The following VPS33B variants were observed in gnomAD, a reference collection of about 807,000 sequenced individuals.
VPS33B encodes the protein vacuolar protein sorting-associated protein 33B.
A neutral mutation model predicts 95.3 loss-of-function variants in VPS33B; 80 were observed. That is an observed-to-expected ratio of 0.84 (90% CI 0.70 to 1.01). The LOEUF (loss-of-function observed/expected upper bound fraction) is 1.01, where lower values mean the gene tolerates loss of function less well. Ranked by LOEUF, VPS33B falls within the 50% of genes least tolerant of loss-of-function variation. The pLI is 0.00. For synonymous variants in VPS33B, 280 were observed against 280.4 expected, an observed-to-expected ratio of 1.00 and a Z score of 0.01; for missense variants, 715 against 773.4, an observed-to-expected ratio of 0.92 and a Z score of 0.90.
At chr15:91,022,096 T>C (rs2041120185) in intron 1 of VPS33B, 58 bp downstream of exon 1, 1 of 1,527,314 alleles carries the variant, frequency 6.5e-7, no homozygotes, top group Non-Finnish European at 8.9e-7. Flanking sequence ...AAGGAAGAAA[T>C]GTGCATCCAA....
intron 2 of VPS33B, among the ~76,000 whole-genome samples, chr15:91,017,522 C>G (rs1177460950): frequency 6.6e-6 from 1 of 150,856 alleles, no homozygotes; most frequent in Non-Finnish European, 1.5e-5. Context: ...ACTTGGGAAG[C>G]TGAGGCAGGA....
chr15:91,006,735 A>G lies in VPS33B; in HGVS notation c.701-6T>C. Reference sequence around the variant, plus strand: ...TGCTGTCACAAAGTCCACATCTGAAACAGAGATCCCTGACCATGAAGGTTC... The same window carrying G: ...TGCTGTCACAAAGTCCACATCTGAAGCAGAGATCCCTGACCATGAAGGTTC... On this transcript the variant is annotated splice_polypyrimidine_tract_variant and splice_region_variant and intron_variant, in intron 9 of 22. Coordinates refer to ENST00000333371, the MANE Select transcript of VPS33B (RefSeq NM_018668.5). This position sits in a 1 kb window ranked among gnomAD's most constrained non-coding sequence, Gnocchi z 5.4. The G allele has an allele frequency of 6.2e-7, 1 of 1,614,154 alleles. No individual in the cohort carries two copies. The highest frequency in any genetic ancestry group is 8.5e-7 in the Non-Finnish European group (1 of 1,180,008).
Position 90,998,871 on chromosome 15 carries a change from G to T in VPS33B, c.*104C>A. 8.2e-7 allele frequency: 1 copy of T among 1,213,600 alleles called. No homozygotes were observed. The highest frequency in any genetic ancestry group is 1.2e-6 in the Non-Finnish European group (1 of 831,392). The allele number at this position is 1,213,600 out of a possible 1,614,324, so 75.2% of individuals were successfully genotyped here. A position where few individuals can be genotyped will look rare whatever the true frequency, so the allele number is the denominator to read the frequency against. On this transcript the variant is annotated 3_prime_UTR_variant, in exon 23 of 23. Coordinates refer to ENST00000333371, the MANE Select transcript of VPS33B (RefSeq NM_018668.5). The surrounding 1 kb of genome is among the most constrained non-coding windows in gnomAD (Gnocchi z 4.8). ...ACACGTTCCATGCTCCCGGCTCTTA[G>T]CAGGTAGTTGGTGGACACTTGGTTA...
At chr15:91,016,174 G>A (rs2040917675) in intron 3 of VPS33B, among the ~76,000 whole-genome samples, 1 of 152,094 alleles carries the variant, frequency 6.6e-6, no homozygotes, top group Admixed American at 6.5e-5. Context: ...GAGAATTTCA[G>A]GCAGAGCGAA....
rs569733638 is a variant in VPS33B at position 91,002,617 on chromosome 15, G to T, written c.1273-435C>A. ...TGCACTCTAGCTTGGGCAACAGAGC[G>T]AGACATCGTCTCGAAATAAAAAAAA... On this transcript the variant is annotated intron_variant, in intron 17 of 22. Transcript: ENST00000333371. This position sits in a 1 kb window ranked among gnomAD's most constrained non-coding sequence, Gnocchi z 4.7. Among the ~76,000 whole-genome samples the T allele has an allele frequency of 1.4e-5, 2 of 143,890 alleles. No homozygotes were observed. Among genetic ancestry groups the T allele is most frequent in the African/African-American group, 5.2e-5 (2 of 38,100 alleles). The allele number at this position is 143,890 out of a possible 152,430, so 94.4% of individuals were successfully genotyped here.
chr15:91,017,525 A>G (rs1191437406), intron 2 of VPS33B, among the ~76,000 whole-genome samples: 2 of 151,236 alleles, frequency 1.3e-5, no homozygotes, highest in African/African-American at 4.9e-5. Flanking sequence ...TGGGAAGCTG[A>G]GGCAGGAGGA....
At position 91,007,590 on chromosome 15, in the gene VPS33B, A is replaced by G. The variant is rs1032953247; in HGVS notation, c.499-17T>C. ...ATCTCCTTCCTGCAGGGACCACACA[A>G]GCCACAAAGATATGAATCAACCCAG... On this transcript the variant is annotated splice_polypyrimidine_tract_variant and intron_variant, in intron 7 of 22. Coordinates refer to ENST00000333371, the MANE Select transcript of VPS33B (RefSeq NM_018668.5). This position sits in a 1 kb window ranked among gnomAD's most constrained non-coding sequence, Gnocchi z 5.3. The G allele has an allele frequency of 6.2e-7, 1 of 1,613,262 alleles. No individual in the cohort carries two copies. Among genetic ancestry groups the G allele is most frequent in the African/African-American group, 1.3e-5 (1 of 74,904 alleles).
In VPS33B at chr15:91,000,568, A is replaced by ATACTCGCCT. The variant is rs2040408671; in HGVS notation, c.1502_1503insAGGCGAGTA (p.Glu500_Tyr501insTer). On this transcript the variant is annotated stop_gained, in exon 20 of 23. Transcript: ENST00000333371. LOFTEE classifies it high-confidence loss of function. The surrounding 1 kb of genome is among the most constrained non-coding windows in gnomAD (Gnocchi z 4.9). ...CCATGTCTCGGGGCACTTTCAGATC[A>ATACTCGCCT]TACTCGCCGTCCACACGTGGGATCT... 1 of 1,613,098 alleles carries ATACTCGCCT rather than the reference A, an allele frequency of 6.2e-7. No homozygotes were observed. Among genetic ancestry groups the ATACTCGCCT allele is most frequent in the South Asian group, 1.1e-5 (1 of 91,074 alleles).
Position 91,019,125 on chromosome 15 carries a change from T to C in VPS33B, c.97-1240A>G, listed in dbSNP as rs1340059594. Among the ~76,000 whole-genome samples, 3 of 144,170 alleles carry C rather than the reference T, an allele frequency of 2.1e-5. No homozygotes were observed. The South Asian group carries it at 6.9e-4, about 33-fold the overall frequency. 94.6% of individuals were successfully genotyped at this position (144,170 alleles called of 152,430 possible). On this transcript the variant is annotated intron_variant, in intron 1 of 22. Coordinates refer to ENST00000333371, the MANE Select transcript of VPS33B (RefSeq NM_018668.5). The stretch of plus-strand genomic sequence containing the variant: ...ACTGCTCCTGGCCTGTTTTTTTTTT[T>C]TTTTTTTTTTTTTTAAAGATAGAGT...
rs750663315 is a variant in VPS33B at position 91,006,766 on chromosome 15, G to A, written c.701-37C>T. 1.2e-6 allele frequency: 2 copies of A among 1,612,690 alleles called. No individual in the cohort carries two copies. Among genetic ancestry groups the A allele is most frequent in the Non-Finnish European group, 1.7e-6 (2 of 1,178,850 alleles). ...ATCCCTGACCATGAAGGTTCTCCCT[G>A]ACCCAGCCTTCTACACAGCATGTCC... is the stretch of plus-strand genomic sequence containing the variant. On this transcript the variant is annotated intron_variant, in intron 9 of 22. Coordinates refer to ENST00000333371, the MANE Select transcript of VPS33B (RefSeq NM_018668.5). This position sits in a 1 kb window ranked among gnomAD's most constrained non-coding sequence, Gnocchi z 5.4.
rs2040908136 is a variant in VPS33B at position 91,015,803 on chromosome 15, C to T, written c.239+1160G>A. 6.6e-6 allele frequency among the ~76,000 whole-genome samples: 1 copy of T among 152,078 alleles called. No homozygotes were observed. The highest frequency in any genetic ancestry group is 1.5e-5 in the Non-Finnish European group (1 of 68,020). ...TATGATTGCACCACTGCACTCCAGC[C>T]TGTGCAACAGAGTGAGACCCTGTCT... On this transcript the variant is annotated intron_variant, in intron 3 of 22. Coordinates refer to ENST00000333371, the MANE Select transcript of VPS33B (RefSeq NM_018668.5). This position sits in a 1 kb window ranked among gnomAD's most constrained non-coding sequence, Gnocchi z 4.7.
chr15:91,000,637 C>T lies in VPS33B; in HGVS notation c.1480-46G>A. The T allele has an allele frequency of 9.6e-6, 15 of 1,565,258 alleles. No individual in the cohort carries two copies. The highest frequency in any genetic ancestry group is 1.2e-5 in the Non-Finnish European group (14 of 1,141,002). On this transcript the variant is annotated intron_variant, in intron 19 of 22. Transcript: ENST00000333371. The surrounding 1 kb of genome is among the most constrained non-coding windows in gnomAD (Gnocchi z 4.9). ...ATTAGGCAAGTGACAGCTCAGCTCC[C>T]TAACCCTTTAAAGGGTCAGATAAAG... is the stretch of plus-strand genomic sequence containing the variant.
intron 1 of VPS33B, 138 bp downstream of exon 1, chr15:91,022,016 C>T: frequency 1.0e-6 from 1 of 971,760 alleles, no homozygotes; most frequent in Non-Finnish European, 1.6e-6. Flanking sequence ...TCCCTGGATT[C>T]ATTCTGGACC....
At position 91,007,866 on chromosome 15, in the gene VPS33B, T is replaced by C. The variant is rs532940784; in HGVS notation, c.498+4A>G. ...TGCCAAGACACAAGGGCCTCTGCAT[T>C]TACCAGAAAGTAATCCCTGAAAAAT... is the stretch of plus-strand genomic sequence containing the variant. On this transcript the variant is annotated splice_donor_region_variant and intron_variant, in intron 7 of 22. Transcript: ENST00000333371. This position sits in a 1 kb window ranked among gnomAD's most constrained non-coding sequence, Gnocchi z 5.3. The C allele has an allele frequency of 8.1e-6, 13 of 1,613,990 alleles. No individual in the cohort carries two copies. The South Asian group carries it at 1.4e-4, about 18-fold the overall frequency.
chr15:91,003,925 A>G (rs1200362671), intron 16 of VPS33B, among the ~76,000 whole-genome samples: 1 of 152,184 alleles, frequency 6.6e-6, no homozygotes, highest in Non-Finnish European at 1.5e-5. Context: ...TACTTCTCTG[A>G]GTAGAAAGCA....
rs1269914654 is a variant in VPS33B at position 91,018,378 on chromosome 15, T to C, written c.97-493A>G. On this transcript the variant is annotated intron_variant, in intron 1 of 22. Coordinates refer to ENST00000333371, the MANE Select transcript of VPS33B (RefSeq NM_018668.5). This position sits in a 1 kb window ranked among gnomAD's most constrained non-coding sequence, Gnocchi z 4.7. ...ACCCTTCCACTCCCCCACCCCACAA[T>C]CCCTGTCATACGATTCCTGCACCAC... 6.6e-6 allele frequency among the ~76,000 whole-genome samples: 1 copy of C among 151,922 alleles called. No individual in the cohort carries two copies. Among genetic ancestry groups the C allele is most frequent in the Non-Finnish European group, 1.5e-5 (1 of 67,984 alleles).
chr15:90,999,171 A>G lies in VPS33B; in HGVS notation c.1775-117T>C. The G allele has an allele frequency of 2.2e-6, 2 of 914,618 alleles. No individual in the cohort carries two copies. The highest frequency in any genetic ancestry group is 3.5e-6 in the Non-Finnish European group (2 of 567,780). 56.7% of individuals were successfully genotyped at this position (914,618 alleles called of 1,614,324 possible). A position where few individuals can be genotyped will look rare whatever the true frequency, so the allele number is the denominator to read the frequency against. Reference sequence around the variant, plus strand: ...GGGATCACAGCACCAGTTTATAGACAGAGACGTGAGTGCCATGCTCTTGGG... The same window carrying G: ...GGGATCACAGCACCAGTTTATAGACGGAGACGTGAGTGCCATGCTCTTGGG... On this transcript the variant is annotated intron_variant, in intron 22 of 22. Transcript: ENST00000333371. This position sits in a 1 kb window ranked among gnomAD's most constrained non-coding sequence, Gnocchi z 5.1.
chr15:91,017,948 G>T, intron 1 of VPS33B, 63 bp from the exon 2 acceptor site: 1 of 1,513,808 alleles, frequency 6.6e-7, no homozygotes. Flanking sequence ...GCTGAGAAGT[G>T]GCCCAGCCAC....
chr15:91,008,043 T>C (rs1339385118), intron 6 of VPS33B, 79 bp from the exon 7 acceptor site: 81 of 1,342,100 alleles, frequency 6.0e-5, no homozygotes, highest in Non-Finnish European at 7.4e-5. Flanking sequence ...CCACAAATAT[T>C]TGAGTGCGTG....
Sources: gnomAD v4.1 joint callset for allele counts (sites outside exome capture counted in the v4.1 genomes callset) on GRCh38, gnomAD v4.1.1 for gene constraint, Gnocchi (gnomAD v3.1) non-coding constraint, MANE v1.5 for transcripts, NCBI Gene and HGNC (gene_info 2026-07-23, HGNC 2026-07-21) for gene names.